KIF7: variants seen among roughly 807,000 people sequenced by gnomAD.
KIF7 encodes kinesin family member 7, also known as kinesin-like protein KIF7.
A neutral mutation model predicts 135.7 loss-of-function variants in KIF7; 104 were observed. The observed-to-expected ratio is 0.77, with a 90% CI of 0.65 to 0.90. KIF7 has a LOEUF of 0.90. KIF7 is among the 40% of genes least tolerant of loss of function. The probability of loss-of-function intolerance (pLI) is 0.00; values close to 1 mark genes in which losing one functional copy is unlikely to be tolerated. For synonymous variants in KIF7, 883 were observed against 809.4 expected (o/e 1.09, Z -1.54); for missense variants, 2,005 against 1,839.1 (o/e 1.09, Z -1.65).
In KIF7 at chr15:89,633,693, C is replaced by T. The variant is rs202057334; in HGVS notation, c.2585G>A (p.Arg862His). The change falls in exon 12 of 19, where the codon CGC becomes CAC. Residue 862 changes from arginine (R) to histidine (H), a missense_variant. Coordinates refer to ENST00000394412, the MANE Select transcript of KIF7 (RefSeq NM_198525.3). ...LEAEMSKRQH[R>H]VKELELKHEQ... ...CCCTGCCGTGAGCCTGACCTTGACG[C>T]GGTGCTGCCGCTTGCTCATTTCTGC... The T allele has an allele frequency of 4.0e-5, 64 of 1,606,966 alleles. No homozygotes were observed. The highest frequency in any genetic ancestry group is 2.0e-4 in the Middle Eastern group (1 of 4,896).
At chr15:89,634,584 C>T (rs998696293) in intron 11 of KIF7, among the ~76,000 whole-genome samples, 5 of 152,194 alleles carry the variant, frequency 3.3e-5, no homozygotes, top group Admixed American at 1.3e-4. Context: ...CCTGGAAAAT[C>T]GGGTCACTCC....
intron 11 of KIF7, among the ~76,000 whole-genome samples, chr15:89,640,133 G>A (rs1288776467): frequency 6.6e-6 from 1 of 151,496 alleles, no homozygotes; most frequent in East Asian, 1.9e-4. Flanking sequence ...CACACTCTGG[G>A]GACTGTTGTG....
intron 9 of KIF7, 77 bp from the exon 10 acceptor site, chr15:89,645,242 C>A (rs1405640819): frequency 4.3e-5 from 69 of 1,601,974 alleles, no homozygotes; most frequent in Non-Finnish European, 4.3e-6. Flanking sequence ...CAGGGGCTGC[C>A]AGGGATGGTG....
chr15:89,634,943 G>A (rs1207711272), intron 11 of KIF7, among the ~76,000 whole-genome samples: 1 of 152,238 alleles, frequency 6.6e-6, no homozygotes, highest in Non-Finnish European at 1.5e-5. Context: ...CAGCTTTGAA[G>A]AGAGCAGGGG....
chr15:89,645,264 C>T, intron 9 of KIF7, 72 bp downstream of exon 9: 1 of 1,600,392 alleles, frequency 6.2e-7, no homozygotes, highest in Non-Finnish European at 8.6e-7. Flanking sequence ...GTGGGACTGT[C>T]CCAAGGTGGC....
chr15:89,653,845 G>T (rs922076109), intron 1 of KIF7, among the ~76,000 whole-genome samples: 2 of 151,760 alleles, frequency 1.3e-5, no homozygotes, highest in African/African-American at 4.8e-5. Flanking sequence ...TGGGCTCAAG[G>T]GATCCTTCCA....
At chr15:89,631,954 G>A (rs1963688611) in intron 14 of KIF7, among the ~76,000 whole-genome samples, 1 of 152,206 alleles carries the variant, frequency 6.6e-6, no homozygotes. Flanking sequence ...CCAGAGGGAC[G>A]TGGCCCTCCT....
At chr15:89,661,142 G>T in the KIF7 span, among the ~76,000 whole-genome samples, 1 of 152,294 alleles carries the variant, frequency 6.6e-6, no homozygotes, top group African/African-American at 2.4e-5. Context: ...TTGTTATTGG[G>T]AGCCTTCTGT....
rs748210059 is a variant in KIF7 at position 89,645,905 on chromosome 15, A to G, written c.1910T>C (p.Leu637Ser). 6.2e-7 allele frequency: 1 copy of G among 1,613,518 alleles called. No individual in the cohort carries two copies. The highest frequency in any genetic ancestry group is 8.5e-7 in the Non-Finnish European group (1 of 1,179,946). ...EEEEEPPRRT[L>S]HLRRNRISNC... ...GGGTCCCACTCACCTGCGCAGGTGT[A>G]AGGTCCGCCTGGGCGGCTCCTCCTC... Residue 637 changes from leucine (L) to serine (S), a missense_variant, in exon 8 of 19, where the codon TTA becomes TCA. By Grantham distance (145) the Leu-to-Ser change is moderately radical (BLOSUM62 -2). Coordinates refer to ENST00000394412, the MANE Select transcript of KIF7 (RefSeq NM_198525.3).
At position 89,633,690 on chromosome 15, in the gene KIF7, A is replaced by G; in HGVS notation, c.2588T>C (p.Val863Ala). Residue 863 changes from valine to alanine, a missense_variant, in exon 12 of 19, where the codon GTC (valine) becomes GCC (alanine). Val to Ala is a moderately conservative substitution (Grantham distance 64, BLOSUM62 0). Coordinates refer to ENST00000394412, the MANE Select transcript of KIF7 (RefSeq NM_198525.3). The part of the protein sequence containing the change: ...EAEMSKRQHR[V>A]KELELKHEQQ... The stretch of plus-strand genomic sequence containing the variant: ...CCACCCTGCCGTGAGCCTGACCTTG[A>G]CGCGGTGCTGCCGCTTGCTCATTTC... 1 of 1,606,862 alleles carries G rather than the reference A, an allele frequency of 6.2e-7. No homozygotes were observed. The highest frequency in any genetic ancestry group is 8.5e-7 in the Non-Finnish European group (1 of 1,179,754).
downstream of KIF7, among the ~76,000 whole-genome samples, chr15:89,623,088 A>C (rs2141983337): frequency 6.6e-6 from 1 of 152,344 alleles, no homozygotes; most frequent in South Asian, 2.1e-4. Flanking sequence ...TTTTGCAAGA[A>C]GGCAGGGAAA....
At chr15:89,630,059 A>G (rs1963638709) in intron 16 of KIF7, 1 of 594,794 alleles carries the variant, frequency 1.7e-6, no homozygotes, top group Non-Finnish European at 3.0e-6. Context: ...GCCATGGACC[A>G]CCCTGAGGTT....
rs370413810 is a variant in KIF7 at position 89,649,895 on chromosome 15, G to T, written c.375C>A (p.Ala125=). 8.2e-5 allele frequency: 128 copies of T among 1,551,602 alleles called. No individual in the cohort carries two copies. In the African/African-American group the frequency reaches 1.6e-3, roughly 19 times the overall value. The change falls in exon 3 of 19, where the codon GCC becomes GCA. Residue 125 remains alanine, a synonymous_variant. Transcript: ENST00000394412. Reference sequence around the variant, plus strand: ...TCTCATCGATGAGCTTGAAGGCCTCGGCCATGGCCCTCGGGACAATGCCCT... The same window carrying T: ...TCTCATCGATGAGCTTGAAGGCCTCTGCCATGGCCCTCGGGACAATGCCCT... ...DEQGIVPRAM[A]EAFKLIDEND...
At chr15:89,659,966 G>T (rs1288447667), upstream of KIF7, among the ~76,000 whole-genome samples, 4 of 152,246 alleles carry the variant, frequency 2.6e-5, no homozygotes, top group African/African-American at 9.6e-5. Context: ...GGGGACCGAG[G>T]TGGGTGGATC....
intron 11 of KIF7, among the ~76,000 whole-genome samples, chr15:89,634,655 G>C (rs138295204): frequency 6.6e-6 from 1 of 152,236 alleles, no homozygotes; most frequent in Admixed American, 6.5e-5. Flanking sequence ...ATTATATCCC[G>C]CACATGGCTC....
chr15:89,655,176 C>T (rs925102558), intron 1 of KIF7, among the ~76,000 whole-genome samples: 3 of 152,224 alleles, frequency 2.0e-5, no homozygotes, highest in Non-Finnish European at 4.4e-5. Flanking sequence ...GCCCGGGATG[C>T]CGGCCTCAGC....
In KIF7 at chr15:89,629,186, TGGG is replaced by T. The variant is rs1290077237; in HGVS notation, c.3518-67_3518-65del. The T allele has an allele frequency of 8.2e-6, 5 of 609,868 alleles. No individual in the cohort carries two copies. The African/African-American group carries it at 1.6e-4, about 20-fold the overall frequency. The allele number at this position is 609,868 out of a possible 1,614,324, so 37.8% of individuals were successfully genotyped here. A position where few individuals can be genotyped will look rare whatever the true frequency, so the allele number is the denominator to read the frequency against. ...CAGGCGGGGCAGGCGGCCAGGGCTGTGGGGGTGGGGGCTGTGGGCTGGGTGGGG... is the reference window on the plus strand; with the variant it reads ...CAGGCGGGGCAGGCGGCCAGGGCTGTGGTGGGGGCTGTGGGCTGGGTGGGG... On this transcript the variant is annotated intron_variant, in intron 17 of 18. Coordinates refer to ENST00000394412, the MANE Select transcript of KIF7 (RefSeq NM_198525.3).
At chr15:89,627,109 A>C (rs1332827290), downstream of KIF7, 4 of 1,613,232 alleles carry the variant, frequency 2.5e-6, no homozygotes, top group Non-Finnish European at 3.4e-6. Context: ...CTGAGCCCAA[A>C]AGATCAAGGA....
At chr15:89,626,015 G>A (rs372322996), downstream of KIF7, 23 of 1,613,634 alleles carry the variant, frequency 1.4e-5, no homozygotes, top group Middle Eastern at 1.6e-4. Context: ...AGTCTCCGCT[G>A]CTGTTCCAGG....
Sources: allele counts gnomAD v4.1 joint callset (sites outside exome capture counted in the v4.1 genomes callset), GRCh38; gene constraint gnomAD v4.1.1; transcripts MANE v1.5; gene names NCBI Gene and HGNC (gene_info 2026-07-23, HGNC 2026-07-21).